Variants in CABP1 observed in about 807,000 individuals in gnomAD.
CABP1 encodes the protein calcium-binding protein 1.
A neutral mutation model predicts 34.3 loss-of-function variants in CABP1; 17 were observed. The observed-to-expected ratio is 0.50, with a 90% CI of 0.34 to 0.74. CABP1 has a LOEUF of 0.74. Among genes scored for constraint, CABP1 ranks in the 30% least tolerant of loss-of-function variants. The pLI is 0.01. For synonymous variants in CABP1, 198 were observed against 229.2 expected, an observed-to-expected ratio of 0.86 and a Z score of 1.23; for missense variants, 373 against 511.1, an observed-to-expected ratio of 0.73 and a Z score of 2.61.
At chr12:120,667,515 G>T (rs1208878743), downstream of CABP1, among the ~76,000 whole-genome samples, 3 of 152,172 alleles carry the variant, frequency 2.0e-5, no homozygotes, top group Admixed American at 6.6e-5. Context: ...TTGAGACAGG[G>T]TCTAGCTCCG....
the CABP1 span, among the ~76,000 whole-genome samples, chr12:120,677,581 G>A: frequency 6.6e-6 from 1 of 151,580 alleles, no homozygotes; most frequent in Non-Finnish European, 1.5e-5. Flanking sequence ...ATTTTTTGTA[G>A]AGATGGGAGT....
chr12:120,665,703 A>C (rs74803743), intron 5 of CABP1, among the ~76,000 whole-genome samples: 13,555 of 150,540 alleles, frequency 0.09, 747 homozygotes, highest in East Asian at 0.18. Flanking sequence ...CCGTTTTGCC[A>C]TAAACCTAAA....
At chr12:120,676,976 G>A in the CABP1 span, among the ~76,000 whole-genome samples, 1,335 of 152,122 alleles carry the variant, frequency 8.8e-3, 24 homozygotes, top group African/African-American at 0.031. Flanking sequence ...AGTGGTACAC[G>A]TCTGTAATCC....
chr12:120,675,382 C>A, the CABP1 span, among the ~76,000 whole-genome samples: 1 of 152,200 alleles, frequency 6.6e-6, no homozygotes, highest in Non-Finnish European at 1.5e-5. Flanking sequence ...AATAAATTAT[C>A]TACCCTGTGG....
chr12:120,654,040 G>C (rs1880012187), intron 1 of CABP1, among the ~76,000 whole-genome samples: 1 of 152,160 alleles, frequency 6.6e-6, no homozygotes, highest in Admixed American at 6.5e-5. Flanking sequence ...CTCTTGTTCT[G>C]CCTCGCTCTA....
chr12:120,667,988 T>C (rs1378769678), downstream of CABP1, among the ~76,000 whole-genome samples: 1 of 152,174 alleles, frequency 6.6e-6, no homozygotes, highest in Non-Finnish European at 1.5e-5. Context: ...CTGGAACTTT[T>C]ATACTGGTTG....
At chr12:120,655,853 G>T in intron 1 of CABP1, 2 of 1,526,988 alleles carry the variant, frequency 1.3e-6, no homozygotes, top group Non-Finnish European at 8.8e-7. Context: ...GTGTGTGTGC[G>T]CATGTGCCAC....
chr12:120,659,885 C>T lies in CABP1; in HGVS notation c.662C>T (p.Ser221Leu). 1 of 1,613,908 alleles carries T rather than the reference C, an allele frequency of 6.2e-7. No individual in the cohort carries two copies. The highest frequency in any genetic ancestry group is 8.5e-7 in the Non-Finnish European group (1 of 1,179,964). Residue 221 changes from serine to leucine, a missense_variant, in exon 2 of 6, where the codon TCA becomes TTA. By Grantham distance (145) the Ser-to-Leu change is moderately radical (BLOSUM62 -2). This residue lies in a region of CABP1 where 109 missense variants were observed against 204.8 expected (regional missense o/e 0.53). Transcript: ENST00000316803. The part of the protein sequence containing the change: ...MLSSAFGQDR[S>L]LRPEEIEELR... ...CATGTTCTTTTGTTTCAGGATAGAT[C>T]ACTGCGACCAGAGGAAATTGAAGGT...
chr12:120,674,037 A>C, the CABP1 span, among the ~76,000 whole-genome samples: 1 of 152,180 alleles, frequency 6.6e-6, no homozygotes, highest in Non-Finnish European at 1.5e-5. Flanking sequence ...ATTAAAAATT[A>C]GCCAGGGATG....
Position 120,641,244 on chromosome 12 carries a change from G to C in CABP1, c.559G>C (p.Ala187Pro). The change falls in exon 1 of 6, where the codon GCC (alanine) becomes CCC (proline). Residue 187 changes from alanine to proline, a missense_variant. Physicochemically the swap from Ala to Pro is conservative, Grantham distance 27. This residue lies in a region of CABP1 where 121 missense variants were observed against 125.5 expected (regional missense o/e 0.96). Transcript: ENST00000316803. The surrounding 1 kb of genome is among the most constrained non-coding windows in gnomAD (Gnocchi z 6.7). ...GCTCGGCCTCCGGGGCTCTCTGCGA[G>C]CCCGGGGCCGCGGGGACTCCGTTCC... is the stretch of plus-strand genomic sequence containing the variant. Reference protein sequence around the residue: ...PALGLRGSLRARGRGDSVPAA... With the variant: ...PALGLRGSLRPRGRGDSVPAA... 2.3e-6 allele frequency: 3 copies of C among 1,284,816 alleles called. No homozygotes were observed. The highest frequency in any genetic ancestry group is 2.0e-6 in the Non-Finnish European group (2 of 1,018,628). The allele number at this position is 1,284,816 out of a possible 1,614,324, so 79.6% of individuals were successfully genotyped here. A position where few individuals can be genotyped will look rare whatever the true frequency, so the allele number is the denominator to read the frequency against.
intron 1 of CABP1, among the ~76,000 whole-genome samples, chr12:120,649,877 G>T (rs183021488): frequency 3.6e-4 from 55 of 152,266 alleles, no homozygotes; most frequent in Non-Finnish European, 6.2e-4. Flanking sequence ...CCAGGCTCTC[G>T]ACTGGAGCCG....
intron 1 of CABP1, among the ~76,000 whole-genome samples, chr12:120,648,654 G>T (rs762923984): frequency 6.6e-6 from 1 of 152,116 alleles, no homozygotes; most frequent in Non-Finnish European, 1.5e-5. Context: ...GCCAAGGCAG[G>T]TGGATCACCT....
At chr12:120,672,881 C>T in the CABP1 span, among the ~76,000 whole-genome samples, 4 of 151,594 alleles carry the variant, frequency 2.6e-5, no homozygotes, top group Non-Finnish European at 5.9e-5. Context: ...AACACAAAAA[C>T]TAGCCAGGCA....
rs1441322490 is a variant in CABP1 at position 120,641,291 on chromosome 12, C to T, written c.606C>T (p.Asp202=). 2 of 1,327,332 alleles carry T rather than the reference C, an allele frequency of 1.5e-6. No individual in the cohort carries two copies. Among genetic ancestry groups the T allele is most frequent in the African/African-American group, 1.5e-5 (1 of 65,488 alleles). 82.2% of individuals were successfully genotyped at this position (1,327,332 alleles called of 1,614,324 possible). Residue 202 remains aspartate, a synonymous_variant, in exon 1 of 6, where the codon GAC becomes GAT. Coordinates refer to ENST00000316803, the MANE Select transcript of CABP1 (RefSeq NM_001033677.2). The surrounding 1 kb of genome is among the most constrained non-coding windows in gnomAD (Gnocchi z 6.7). ...DSVPAAASEA[D]PFLHRLRPML... ...TTCCAGCCGCCGCGTCCGAGGCGGA[C>T]CCGTTCCTCCACCGGCTGCGCCCCA... is the stretch of plus-strand genomic sequence containing the variant.
intron 1 of CABP1, chr12:120,656,152 G>C (rs369240245): frequency 6.2e-7 from 1 of 1,613,920 alleles, no homozygotes; most frequent in Non-Finnish European, 8.5e-7. Context: ...AGGGGCTGGC[G>C]GCTGACGCCG....
chr12:120,665,950 A>G (rs906543414), intron 5 of CABP1, among the ~76,000 whole-genome samples: 3 of 149,884 alleles, frequency 2.0e-5, no homozygotes, highest in Non-Finnish European at 3.0e-5. Flanking sequence ...CCCGGGAGGC[A>G]GAGCTTGCAG....
chr12:120,656,058 G>A, intron 1 of CABP1: 1 of 1,613,678 alleles, frequency 6.2e-7, no homozygotes. Context: ...GTGACACCCT[G>A]CCTCTCTTTT....
intron 1 of CABP1, among the ~76,000 whole-genome samples, chr12:120,647,385 A>T (rs78017997): frequency 1.2e-4 from 15 of 129,882 alleles, no homozygotes; most frequent in African/African-American, 2.3e-4. Context: ...AGCAGACAAG[A>T]TTTTTTTTTT....
chr12:120,677,174 G>A, the CABP1 span, among the ~76,000 whole-genome samples: 33 of 142,924 alleles, frequency 2.3e-4, no homozygotes, highest in East Asian at 2.2e-4. Context: ...TGCAACCTCC[G>A]CCTCCCGGGC....
Sources: allele counts gnomAD v4.1 joint callset (sites outside exome capture counted in the v4.1 genomes callset), GRCh38; gene constraint gnomAD v4.1.1; regional missense constraint gnomAD v4.1.1; non-coding constraint Gnocchi (gnomAD v3.1); transcripts MANE v1.5; gene names NCBI Gene and HGNC (gene_info 2026-07-23, HGNC 2026-07-21).